The following TMEM132D variants were observed in gnomAD, a reference collection of about 807,000 sequenced individuals.
The protein encoded by TMEM132D is transmembrane protein 132D.
Under a neutral mutation model 62.3 loss-of-function variants are expected in TMEM132D, and 21 were observed. The ratio of observed to expected loss-of-function variants is 0.34; its 90% CI spans 0.24 to 0.49. The LOEUF (loss-of-function observed/expected upper bound fraction) is 0.49, where lower values mean the gene tolerates loss of function less well. Among genes scored for constraint, TMEM132D ranks in the 20% least tolerant of loss-of-function variants. TMEM132D has a pLI of 0.99. For synonymous variants in TMEM132D, 621 were observed against 575.6 expected (o/e 1.08, Z -1.13); for missense variants, 1,346 against 1,402.8 (o/e 0.96, Z 0.65).
At chr12:129,342,425 C>T (rs1442170489) in intron 3 of TMEM132D, among the ~76,000 whole-genome samples, 1 of 151,206 alleles carries the variant, frequency 6.6e-6, no homozygotes, top group Admixed American at 6.6e-5. Flanking sequence ...AAAATTAATT[C>T]AAGATGGATT....
At chr12:129,257,204 CTTTTT>C (rs10609616) in intron 4 of TMEM132D, among the ~76,000 whole-genome samples, 9,500 of 122,522 alleles carry the variant, frequency 0.078, 449 homozygotes, top group Admixed American at 0.18. Context: ...CTGTTTCTTT[CTTTTT>C]TTTTTTTTTT....
chr12:129,408,452 T>TA (rs2135704334), intron 3 of TMEM132D, among the ~76,000 whole-genome samples: 1 of 151,990 alleles, frequency 6.6e-6, no homozygotes, highest in South Asian at 2.1e-4. Flanking sequence ...TTTTTTTTTT[T>TA]TATCATTTCA....
At chr12:129,741,595 G>A (rs1395189691) in intron 1 of TMEM132D, among the ~76,000 whole-genome samples, 2 of 152,152 alleles carry the variant, frequency 1.3e-5, no homozygotes, top group African/African-American at 4.8e-5. Flanking sequence ...TCCCTGGATG[G>A]CAAGAAGATA....
At chr12:129,581,706 C>G (rs925603110) in intron 2 of TMEM132D, among the ~76,000 whole-genome samples, 1 of 152,162 alleles carries the variant, frequency 6.6e-6, no homozygotes, top group Admixed American at 6.5e-5. Context: ...GATGGTGTCA[C>G]CCAGACTGAG....
intron 1 of TMEM132D, among the ~76,000 whole-genome samples, chr12:129,781,952 C>A (rs989959716): frequency 6.6e-6 from 1 of 152,098 alleles, no homozygotes; most frequent in Admixed American, 6.5e-5. Context: ...AAGATGCTAC[C>A]CTTTCTGCAC....
At chr12:129,460,597 T>C (rs1873633777) in intron 3 of TMEM132D, among the ~76,000 whole-genome samples, 2 of 152,150 alleles carry the variant, frequency 1.3e-5, no homozygotes, top group African/African-American at 4.8e-5. Flanking sequence ...CTAATGTATA[T>C]AAATGAGTTC....
chr12:129,108,639 G>A (rs1176510906), intron 5 of TMEM132D, among the ~76,000 whole-genome samples: 5 of 152,146 alleles, frequency 3.3e-5, no homozygotes, highest in African/African-American at 4.8e-5. Flanking sequence ...CAATTCTGGG[G>A]AAGCACTCCC....
chr12:129,769,334 A>G (rs1870654124), intron 1 of TMEM132D, among the ~76,000 whole-genome samples: 1 of 152,196 alleles, frequency 6.6e-6, no homozygotes, highest in African/African-American at 2.4e-5. Flanking sequence ...AGCAGGCAAG[A>G]GAGAATGAGA....
At chr12:129,344,187 T>A (rs1869608101) in intron 3 of TMEM132D, among the ~76,000 whole-genome samples, 2 of 152,318 alleles carry the variant, frequency 1.3e-5, no homozygotes, top group Non-Finnish European at 1.5e-5. Context: ...CCTGAATTCT[T>A]TCTTGCGTGA....
chr12:129,403,518 A>G (rs1168166749), intron 3 of TMEM132D, among the ~76,000 whole-genome samples: 2 of 151,918 alleles, frequency 1.3e-5, no homozygotes, highest in African/African-American at 4.8e-5. Context: ...ACAATTTTGG[A>G]GGAACACATC....
intron 4 of TMEM132D, among the ~76,000 whole-genome samples, chr12:129,236,514 C>CAAAAAAAA (rs60745384): frequency 4.5e-5 from 3 of 67,088 alleles, no homozygotes; most frequent in Admixed American, 1.8e-4. Context: ...GACTCCATCT[C>CAAAAAAAA]AAAAAAAAAA....
rs890083179 is a variant in TMEM132D, at chr12:129,222,121, TAATAA to T, written c.1300-12463_1300-12459del. ...GCACTCACACTAAAATGAAATAAAA[TAATAA>T]AATAAAATAATTCTTCTACCTTTGG... is the stretch of plus-strand genomic sequence containing the variant. On this transcript the variant is annotated intron_variant, in intron 4 of 8. Coordinates refer to ENST00000422113, the MANE Select transcript of TMEM132D (RefSeq NM_133448.3). Among the ~76,000 whole-genome samples, 18 of 152,192 alleles carry T rather than the reference TAATAA, an allele frequency of 1.2e-4. No individual in the cohort carries two copies. In the East Asian group the frequency reaches 2.5e-3, roughly 21 times the overall value.
chr12:129,751,285 G>C (rs1280675511), intron 1 of TMEM132D, among the ~76,000 whole-genome samples: 2 of 152,186 alleles, frequency 1.3e-5, no homozygotes, highest in Admixed American at 6.5e-5. Flanking sequence ...AACCATGGCA[G>C]AGCAGGAGAG....
At chr12:129,337,553 C>A in intron 4 of TMEM132D, 81 bp downstream of exon 4, 3 of 1,548,450 alleles carry the variant, frequency 1.9e-6, no homozygotes, top group Admixed American at 4.1e-5. Context: ...TTTTCCCCAC[C>A]CAGCCTGGGA....
At chr12:129,246,217 C>T (rs1880103635) in intron 4 of TMEM132D, among the ~76,000 whole-genome samples, 1 of 152,160 alleles carries the variant, frequency 6.6e-6, no homozygotes, top group African/African-American at 2.4e-5. Context: ...TACACATACT[C>T]AACATCAGCT....
chr12:129,766,171 C>A (rs1020562), intron 1 of TMEM132D, among the ~76,000 whole-genome samples: 144,049 of 152,172 alleles, frequency 0.95, 68,463 homozygotes, highest in Non-Finnish European at 1. Flanking sequence ...ACTGCCAGGA[C>A]CAGAAGCTCC....
intron 4 of TMEM132D, among the ~76,000 whole-genome samples, chr12:129,235,687 A>G (rs936022058): frequency 5.9e-5 from 9 of 152,306 alleles, no homozygotes; most frequent in African/African-American, 2.2e-4. Context: ...CTGTGCAGCC[A>G]TATGTCTTCA....
intron 1 of TMEM132D, among the ~76,000 whole-genome samples, chr12:129,869,276 G>A (rs1029997390): frequency 3.3e-5 from 5 of 152,110 alleles, no homozygotes; most frequent in East Asian, 1.9e-4. Context: ...CAGTGAAAAC[G>A]AGCAACAAGT....
intron 1 of TMEM132D, among the ~76,000 whole-genome samples, chr12:129,766,871 C>T (rs1870570731): frequency 6.6e-6 from 1 of 152,182 alleles, no homozygotes; most frequent in Non-Finnish European, 1.5e-5. Flanking sequence ...AAGAGACGCC[C>T]ACCAGTACCA....
Sources: gnomAD v4.1 joint callset for allele counts (sites outside exome capture counted in the v4.1 genomes callset) on GRCh38, gnomAD v4.1.1 for gene constraint, MANE v1.5 for transcripts, NCBI Gene and HGNC (gene_info 2026-07-23, HGNC 2026-07-21) for gene names.